The following THADA variants were observed in gnomAD, a reference collection of about 807,000 sequenced individuals.
THADA encodes tRNA (32-2'-O)-methyltransferase regulator THADA.
A neutral mutation model predicts 219.8 loss-of-function variants in THADA; 213 were observed. The ratio of observed to expected loss-of-function variants is 0.97; its 90% CI spans 0.87 to 1.09. The LOEUF is 1.09. THADA is among the 50% of genes least tolerant of loss of function. The probability of loss-of-function intolerance (pLI) is 0.00; values close to 1 mark genes in which losing one functional copy is unlikely to be tolerated. For synonymous variants in THADA, 1,018 were observed against 828.9 expected, an observed-to-expected ratio of 1.23 and a Z score of -3.92; for missense variants, 2,956 against 2,311.3, an observed-to-expected ratio of 1.28 and a Z score of -5.72.
At chr2:43,326,001 A>G (rs1169537855) in intron 30 of THADA, among the ~76,000 whole-genome samples, 1 of 152,186 alleles carries the variant, frequency 6.6e-6, no homozygotes, top group Non-Finnish European at 1.5e-5. Flanking sequence ...AATATGCTCT[A>G]TCTTGAGCAA....
At chr2:43,237,924 C>G (rs923456928) in intron 36 of THADA, among the ~76,000 whole-genome samples, 4 of 149,966 alleles carry the variant, frequency 2.7e-5, no homozygotes, top group Admixed American at 2.0e-4. Flanking sequence ...TCGAGACCAG[C>G]CTGACCCAAT....
chr2:43,406,842 G>A (rs1022430726), intron 28 of THADA, among the ~76,000 whole-genome samples: 9 of 152,178 alleles, frequency 5.9e-5, no homozygotes, highest in Non-Finnish European at 4.4e-5. Flanking sequence ...TACCCTCGGG[G>A]TTCTTGGGCT....
chr2:43,440,562 T>C (rs540424853), intron 26 of THADA, among the ~76,000 whole-genome samples: 1 of 152,356 alleles, frequency 6.6e-6, no homozygotes, highest in African/African-American at 2.4e-5. Context: ...TCCTTGGCTT[T>C]TGATTCTGTG....
At position 43,297,519 on chromosome 2, in the gene THADA, C is replaced by T. The variant is rs1400764471; in HGVS notation, c.4439-4306G>A. On this transcript the variant is annotated intron_variant, in intron 31 of 37. Coordinates refer to ENST00000405975, the MANE Select transcript of THADA (RefSeq NM_022065.5). Reference sequence around the variant, plus strand: ...GAGGTGGGCGGTCAGCCCCCCCGCCCGGCCAGCCGTGCCGTCCGGGAGGGA... The same window carrying T: ...GAGGTGGGCGGTCAGCCCCCCCGCCTGGCCAGCCGTGCCGTCCGGGAGGGA... Among the ~76,000 whole-genome samples, 31 of 114,928 alleles carry T rather than the reference C, an allele frequency of 2.7e-4. 2 individuals carry two copies. Among genetic ancestry groups the T allele is most frequent in the Middle Eastern group, 4.7e-3 (1 of 214 alleles). 75.4% of individuals were successfully genotyped at this position (114,928 alleles called of 152,430 possible).
intron 28 of THADA, among the ~76,000 whole-genome samples, chr2:43,405,780 G>C (rs2104742933): frequency 6.6e-6 from 1 of 152,260 alleles, no homozygotes; most frequent in South Asian, 2.1e-4. Flanking sequence ...GACACACAAA[G>C]TAACTTCAGG....
In THADA at chr2:43,581,975, G is replaced by T. The variant is rs1458179195; in HGVS notation, c.534-47C>A. The T allele has an allele frequency of 2.9e-6, 4 of 1,371,098 alleles. No individual in the cohort carries two copies. In the South Asian group the frequency reaches 6.1e-5, roughly 21 times the overall value. 84.9% of individuals were successfully genotyped at this position (1,371,098 alleles called of 1,614,324 possible). Reference sequence around the variant, plus strand: ...ATTACAAAAGGAAATTCAAACAAAAGTGTGAACATTTCTAATTATCAGCAA... The same window carrying T: ...ATTACAAAAGGAAATTCAAACAAAATTGTGAACATTTCTAATTATCAGCAA... On this transcript the variant is annotated intron_variant, in intron 7 of 37. Coordinates refer to ENST00000405975, the MANE Select transcript of THADA (RefSeq NM_022065.5).
intron 25 of THADA, among the ~76,000 whole-genome samples, chr2:43,493,108 G>A (rs1269113024): frequency 6.6e-6 from 1 of 152,142 alleles, no homozygotes; most frequent in Non-Finnish European, 1.5e-5. Flanking sequence ...GCACTACTGG[G>A]CAGATCTAAC....
intron 22 of THADA, among the ~76,000 whole-genome samples, chr2:43,514,188 G>T (rs913764848): frequency 6.6e-6 from 1 of 151,768 alleles, no homozygotes; most frequent in African/African-American, 2.4e-5. Context: ...GGTGGCTCAC[G>T]CCTGTAATCC....
At chr2:43,400,457 T>TTA (rs539798216) in intron 28 of THADA, among the ~76,000 whole-genome samples, 4,349 of 89,872 alleles carry the variant, frequency 0.048, 309 homozygotes, top group East Asian at 0.17. Context: ...ATAGACAAAT[T>TTA]TATATATATA....
intron 34 of THADA, among the ~76,000 whole-genome samples, 161 bp downstream of exon 34, chr2:43,291,535 T>C (rs182139271): frequency 5.9e-4 from 86 of 146,570 alleles, no homozygotes; most frequent in Admixed American, 1.8e-3. Flanking sequence ...TTTGAAGTTA[T>C]ACTCGAATTG....
intron 3 of THADA, among the ~76,000 whole-genome samples, chr2:43,591,321 T>C (rs763532997): frequency 3.9e-5 from 6 of 152,214 alleles, no homozygotes; most frequent in Non-Finnish European, 5.9e-5. Context: ...TGAGACCCTA[T>C]CTCAAAAAAA....
chr2:43,245,169 C>CTTTTTTTTTTTTTTT (rs1558459342), intron 36 of THADA, among the ~76,000 whole-genome samples: 1 of 88,482 alleles, frequency 1.1e-5, no homozygotes, highest in Non-Finnish European at 2.1e-5. Flanking sequence ...TTTCTTTCTT[C>CTTTTTTTTTTTTTTT]TTCTTTTTTT....
In THADA at chr2:43,429,699, A is replaced by C. The variant is rs10185844; in HGVS notation, c.3926+514T>G. On this transcript the variant is annotated intron_variant, in intron 27 of 37. Coordinates refer to ENST00000405975, the MANE Select transcript of THADA (RefSeq NM_022065.5). ...CAGAAGAAATCACCATGTGATTCCTAGTTTCTGTACCACCGAAAATGGAAT... is the reference window on the plus strand; with the variant it reads ...CAGAAGAAATCACCATGTGATTCCTCGTTTCTGTACCACCGAAAATGGAAT... 6.9e-3 allele frequency among the ~76,000 whole-genome samples: 1,049 copies of C among 152,090 alleles called. 19 individuals are homozygous for C. Among genetic ancestry groups the C allele is most frequent in the African/African-American group, 0.024 (1,012 of 41,508 alleles).
In THADA at chr2:43,501,736, G is replaced by A. The variant is rs1689007488; in HGVS notation, c.3622-2781C>T. 2.0e-5 allele frequency among the ~76,000 whole-genome samples: 3 copies of A among 152,286 alleles called. No homozygotes were observed. In the South Asian group the frequency reaches 6.2e-4, roughly 32 times the overall value. ...TAGCGGGCAGATCACTTGAGGTCAG[G>A]AGTTCAAGACCAGTCTGGCCAACGT... On this transcript the variant is annotated intron_variant, in intron 24 of 37. Coordinates refer to ENST00000405975, the MANE Select transcript of THADA (RefSeq NM_022065.5).
At chr2:43,525,514 T>C (rs1026401199) in intron 22 of THADA, among the ~76,000 whole-genome samples, 6 of 152,120 alleles carry the variant, frequency 3.9e-5, no homozygotes, top group Non-Finnish European at 5.9e-5. Flanking sequence ...CAAGCTGCCA[T>C]ATAAGAATTT....
At chr2:43,582,021 G>T in intron 7 of THADA, 93 bp from the exon 8 acceptor site, 1 of 880,278 alleles carries the variant, frequency 1.1e-6, no homozygotes, top group Non-Finnish European at 1.6e-6. Flanking sequence ...TTCCTCAAAG[G>T]CCCAAAATCA....
At chr2:43,502,611 GA>G (rs1689150270) in intron 24 of THADA, among the ~76,000 whole-genome samples, 1 of 145,786 alleles carries the variant, frequency 6.9e-6, no homozygotes, top group South Asian at 2.2e-4. Flanking sequence ...AAGAAAGAAA[GA>G]AAAAGAAAAA....
chr2:43,392,844 G>C (rs969879321), intron 29 of THADA, among the ~76,000 whole-genome samples: 1 of 152,120 alleles, frequency 6.6e-6, no homozygotes, highest in Non-Finnish European at 1.5e-5. Flanking sequence ...CTTTAAGTTT[G>C]CATCAAAGGC....
intron 25 of THADA, among the ~76,000 whole-genome samples, chr2:43,494,158 G>A (rs1687983528): frequency 6.6e-6 from 1 of 152,164 alleles, no homozygotes; most frequent in Non-Finnish European, 1.5e-5. Flanking sequence ...TTGTGGTAAT[G>A]CCCCAAGGAT....
Sources: gnomAD v4.1 joint callset for allele counts (sites outside exome capture counted in the v4.1 genomes callset) on GRCh38, gnomAD v4.1.1 for gene constraint, MANE v1.5 for transcripts, NCBI Gene and HGNC (gene_info 2026-07-23, HGNC 2026-07-21) for gene names.